Variants in SPIN1 observed in about 807,000 individuals in gnomAD.
SPIN1 encodes the protein spindlin 1.
A neutral mutation model predicts 26.0 loss-of-function variants in SPIN1; 3 were observed. That is an observed-to-expected ratio of 0.12 (90% confidence interval 0.05 to 0.30). The LOEUF is 0.30. Among genes scored for constraint, SPIN1 ranks in the 10% least tolerant of loss-of-function variants. SPIN1 has a pLI of 1.00. For synonymous variants in SPIN1, 101 were observed against 116.5 expected (o/e 0.87, Z 0.86); for missense variants, 126 against 333.4 (o/e 0.38, Z 4.84).
intron 2 of SPIN1, among the ~76,000 whole-genome samples, chr9:88,434,947 G>A (rs550586519): frequency 3.2e-4 from 48 of 151,916 alleles, no homozygotes; most frequent in South Asian, 1.2e-3. Context: ...CACTACTTGG[G>A]AGGCTGAGGC....
intron 1 of SPIN1, among the ~76,000 whole-genome samples, chr9:88,402,786 C>T (rs566527324): frequency 3.9e-5 from 6 of 152,182 alleles, no homozygotes; most frequent in South Asian, 2.1e-4. Context: ...GTATGTATCC[C>T]TTTGATAATA....
intron 1 of SPIN1, among the ~76,000 whole-genome samples, chr9:88,417,769 A>G (rs1827596218): frequency 6.6e-6 from 1 of 152,082 alleles, no homozygotes; most frequent in African/African-American, 2.4e-5. Flanking sequence ...ACCACACCCC[A>G]GCCAAGTCCA....
At chr9:88,425,451 A>G (rs1039609483) in intron 1 of SPIN1, among the ~76,000 whole-genome samples, 51 of 152,192 alleles carry the variant, frequency 3.4e-4, no homozygotes, top group Admixed American at 2.9e-3. Context: ...AGGCCGAGGC[A>G]GGTGGATCAC....
Position 88,477,564 on chromosome 9 carries a change from C to G in SPIN1, c.*2287C>G, listed in dbSNP as rs1388991325. On this transcript the variant is annotated 3_prime_UTR_variant, in exon 6 of 6. Transcript: ENST00000375859. ...TGTTTTTTTTTCTCCCCATTTTCCCCCATTCTGTCTTTCTTTTGGTGACTT... is the reference window on the plus strand; with the variant it reads ...TGTTTTTTTTTCTCCCCATTTTCCCGCATTCTGTCTTTCTTTTGGTGACTT... The G allele has an allele frequency of 6.6e-6, 1 of 152,452 alleles. No individual in the cohort carries two copies. Among genetic ancestry groups the G allele is most frequent in the African/African-American group, 2.4e-5 (1 of 41,400 alleles). The allele number at this position is 152,452 out of a possible 1,614,324, so 9.4% of individuals were successfully genotyped here. A position where few individuals can be genotyped will look rare whatever the true frequency, so the allele number is the denominator to read the frequency against.
At chr9:88,458,104 A>C (rs1828505793) in intron 3 of SPIN1, 1 of 594,668 alleles carries the variant, frequency 1.7e-6, no homozygotes, top group South Asian at 7.4e-5. Flanking sequence ...AATATATGCA[A>C]AGTTAAAGAT....
intron 1 of SPIN1, among the ~76,000 whole-genome samples, chr9:88,421,289 A>ATG (rs140200838): frequency 1.5e-4 from 22 of 151,262 alleles, no homozygotes; most frequent in East Asian, 3.9e-4. Flanking sequence ...GTTGTCTTAA[A>ATG]TGTGTGTGTG....
At chr9:88,398,521 T>G (rs1827116888) in intron 1 of SPIN1, among the ~76,000 whole-genome samples, 1 of 152,080 alleles carries the variant, frequency 6.6e-6, no homozygotes, top group African/African-American at 2.4e-5. Context: ...TGGTTAAATG[T>G]CTTGTCTGCA....
intron 1 of SPIN1, chr9:88,389,287 C>T (rs1479263327): frequency 2.0e-5 from 3 of 152,198 alleles, no homozygotes; most frequent in East Asian, 3.9e-4. Context: ...CGTGAGTGAC[C>T]TTGGGTGTAT....
Position 88,462,992 on chromosome 9 carries a change from C to T in SPIN1, c.355+243C>T, listed in dbSNP as rs935626121. Among the ~76,000 whole-genome samples the T allele has an allele frequency of 1.1e-4, 17 of 152,222 alleles. No homozygotes were observed. The East Asian group carries it at 1.7e-3, about 16-fold the overall frequency. Reference sequence around the variant, plus strand: ...GTTTGCCACGTAATAATTTATAATACGGTTATTTCTAACATTTTTGCTCAC... The same window carrying T: ...GTTTGCCACGTAATAATTTATAATATGGTTATTTCTAACATTTTTGCTCAC... On this transcript the variant is annotated intron_variant, in intron 4 of 5. Transcript: ENST00000375859.
At chr9:88,451,052 G>C (rs1482637300) in intron 3 of SPIN1, among the ~76,000 whole-genome samples, 1 of 151,768 alleles carries the variant, frequency 6.6e-6, no homozygotes, top group Non-Finnish European at 1.5e-5. Flanking sequence ...AGAACAATGA[G>C]GTTTGCAGCT....
chr9:88,471,637 A>G (rs1433395575), intron 5 of SPIN1, among the ~76,000 whole-genome samples: 2 of 127,488 alleles, frequency 1.6e-5, no homozygotes, highest in African/African-American at 5.9e-5. Context: ...CCTGGGCAAC[A>G]GAGCGAGACT....
intron 4 of SPIN1, among the ~76,000 whole-genome samples, chr9:88,467,494 G>A (rs932217902): frequency 2.0e-5 from 3 of 152,136 alleles, no homozygotes; most frequent in Admixed American, 6.5e-5. Flanking sequence ...AAAAGGAACC[G>A]GCCTTCTGAA....
In SPIN1 at chr9:88,477,923, T is replaced by C. The variant is rs578081962; in HGVS notation, c.*2646T>C. 1 of 152,360 alleles carries C rather than the reference T, an allele frequency of 6.6e-6. No individual in the cohort carries two copies. Among genetic ancestry groups the C allele is most frequent in the African/African-American group, 2.4e-5 (1 of 41,590 alleles). The allele number at this position is 152,360 out of a possible 1,614,324, so 9.4% of individuals were successfully genotyped here. ...AAGCAGACCATCCTTTTTTGCATGC[T>C]CTATTCTAAGTAGAATGTTCAATGT... On this transcript the variant is annotated 3_prime_UTR_variant, in exon 6 of 6. Coordinates refer to ENST00000375859, the MANE Select transcript of SPIN1 (RefSeq NM_006717.3).
chr9:88,419,677 G>A (rs1004323081), intron 1 of SPIN1, among the ~76,000 whole-genome samples: 10 of 152,162 alleles, frequency 6.6e-5, no homozygotes, highest in Admixed American at 5.2e-4. Context: ...AAAGTTCAAA[G>A]AATAACATTA....
chr9:88,421,325 G>A (rs143240983), intron 1 of SPIN1, among the ~76,000 whole-genome samples: 9 of 151,844 alleles, frequency 5.9e-5, no homozygotes, highest in African/African-American at 2.2e-4. Context: ...TTTTTCTTTT[G>A]ATACAGGGTC....
intron 1 of SPIN1, among the ~76,000 whole-genome samples, chr9:88,396,974 C>T (rs972035748): frequency 2.0e-5 from 3 of 151,986 alleles, no homozygotes; most frequent in Admixed American, 6.6e-5. Flanking sequence ...AAATGGCATG[C>T]CTGTGTAGGG....
At chr9:88,417,720 G>A (rs7029183) in intron 1 of SPIN1, among the ~76,000 whole-genome samples, 8,163 of 152,008 alleles carry the variant, frequency 0.054, 692 homozygotes, top group African/African-American at 0.18. Context: ...TGATCCGCTG[G>A]CTTTGGCCTG....
At chr9:88,453,955 G>A (rs1828416003) in intron 3 of SPIN1, among the ~76,000 whole-genome samples, 1 of 152,064 alleles carries the variant, frequency 6.6e-6, no homozygotes, top group South Asian at 2.1e-4. Flanking sequence ...TACAAGAAAA[G>A]TTTTTTTTAG....
intron 2 of SPIN1, among the ~76,000 whole-genome samples, chr9:88,430,414 C>G (rs1279729475): frequency 6.6e-6 from 1 of 152,186 alleles, no homozygotes; most frequent in Non-Finnish European, 1.5e-5. Flanking sequence ...TTCACTTCTA[C>G]TGCATTCTAT....
Sources: allele counts gnomAD v4.1 joint callset (sites outside exome capture counted in the v4.1 genomes callset), GRCh38; gene constraint gnomAD v4.1.1; transcripts MANE v1.5; gene names NCBI Gene and HGNC (gene_info 2026-07-23, HGNC 2026-07-21).